The following MADD variants were observed in gnomAD, a reference collection of about 807,000 sequenced individuals.
MADD encodes MAP kinase-activating death domain protein.
Under a neutral mutation model 176.7 loss-of-function variants are expected in MADD, and 109 were observed. The ratio of observed to expected loss-of-function variants is 0.62; its 90% CI spans 0.53 to 0.72. The LOEUF is 0.72. Among genes scored for constraint, MADD ranks in the 30% least tolerant of loss-of-function variants. The pLI is 0.00. For missense variants in MADD, 1,914 were observed against 2,045.5 expected (o/e 0.94, Z 1.24); for synonymous variants, 771 against 771.3 (o/e 1.00, Z 0.01).
At chr11:47,276,750 G>T (rs1401640198) in exon 5 of MADD, 1 of 1,614,148 alleles carries the variant, frequency 6.2e-7, no homozygotes, top group Non-Finnish European at 8.5e-7. Flanking sequence ...ACAGTCCCGA[G>T]ACTACAATGC....
chr11:47,309,666 G>C, intron 25 of MADD, 54 bp downstream of exon 28: 1 of 1,384,150 alleles, frequency 7.2e-7, no homozygotes, highest in Middle Eastern at 1.8e-4. Context: ...GGCAAGGCTT[G>C]TTCCTGTCGC....
chr11:47,276,377 A>G (rs1338534999), intron 4 of MADD, among the ~76,000 whole-genome samples, 175 bp downstream of exon 4: 1 of 152,236 alleles, frequency 6.6e-6, no homozygotes, highest in Non-Finnish European at 1.5e-5. Flanking sequence ...GAATTAAGAT[A>G]CTGGTATCAT....
At chr11:47,320,983 C>T (rs1272332597) in intron 27 of MADD, among the ~76,000 whole-genome samples, 1 of 152,092 alleles carries the variant, frequency 6.6e-6, no homozygotes, top group Non-Finnish European at 1.5e-5. Context: ...TTTTTGCACC[C>T]TCACATGAGA....
chr11:47,286,738 T>C (rs980048666), intron 15 of MADD, among the ~76,000 whole-genome samples: 36 of 152,320 alleles, frequency 2.4e-4, no homozygotes, highest in Non-Finnish European at 2.1e-4. Flanking sequence ...GGCCCTGTTA[T>C]GTCATTTAGG....
chr11:47,284,539 A>G (rs573715367), exon 12 of MADD: 1 of 1,614,082 alleles, frequency 6.2e-7, no homozygotes, highest in Non-Finnish European at 8.5e-7. Context: ...CAGCAGCCCC[A>G]GCACTGTCAT....
chr11:47,293,071 G>A (rs1474407518), intron 19 of MADD, among the ~76,000 whole-genome samples: 1 of 152,116 alleles, frequency 6.6e-6, no homozygotes, highest in Non-Finnish European at 1.5e-5. Flanking sequence ...TGGGGGACAA[G>A]GGGGGTGGTT....
chr11:47,276,268 C>G, intron 4 of MADD, 66 bp downstream of exon 4: 1 of 1,469,756 alleles, frequency 6.8e-7, no homozygotes, highest in Non-Finnish European at 9.2e-7. Flanking sequence ...GGCCAGACCA[C>G]GAGCTCTTAG....
Position 47,284,580 on chromosome 11 carries a change from G to C in MADD, c.2157+15G>C, listed in dbSNP as rs1280833812. 1 of 1,611,496 alleles carries C rather than the reference G, an allele frequency of 6.2e-7. No individual in the cohort carries two copies. Among genetic ancestry groups the C allele is most frequent in the Non-Finnish European group, 8.5e-7 (1 of 1,179,042 alleles). Reference sequence around the variant, plus strand: ...GAGCCAACTCTGTAAGTGAGGAGCGGTGGATGAGTGAGAACCATGGCCTGG... The same window carrying C: ...GAGCCAACTCTGTAAGTGAGGAGCGCTGGATGAGTGAGAACCATGGCCTGG... On this transcript the variant is annotated intron_variant, in intron 12 of 32. Transcript: ENST00000402192.
chr11:47,287,017 C>T (rs1335128926), intron 15 of MADD, among the ~76,000 whole-genome samples: 1 of 152,174 alleles, frequency 6.6e-6, no homozygotes, highest in African/African-American at 2.4e-5. Flanking sequence ...TGGTTAGTTT[C>T]TAGGGGCAGT....
chr11:47,274,656 A>G (rs373871579), exon 3 of MADD: 1 of 1,614,128 alleles, frequency 6.2e-7, no homozygotes, highest in Non-Finnish European at 8.5e-7. Context: ...CCCCAGATGT[A>G]GTGTTCTTCT....
intron 8 of MADD, 91 bp from the exon 9 acceptor site, chr11:47,282,290 A>T: frequency 2.1e-6 from 2 of 968,888 alleles, no homozygotes; most frequent in Non-Finnish European, 3.3e-6. Flanking sequence ...GAAGCCTGTT[A>T]AGTGATGGCT....
rs1050697776 is a variant in MADD, at chr11:47,285,437, T to C, written c.2412-14T>C. ...CCCCTGCCTGGGGATCATAGGTGCC[T>C]CTGTGCATTCAAGGGCTCAAAAGCT... On this transcript the variant is annotated splice_polypyrimidine_tract_variant and intron_variant, in intron 13 of 32. Transcript: ENST00000402192. 1.1e-5 allele frequency: 17 copies of C among 1,613,934 alleles called. No individual in the cohort carries two copies. Among genetic ancestry groups the C allele is most frequent in the Non-Finnish European group, 1.4e-5 (17 of 1,180,010 alleles).
Position 47,325,564 on chromosome 11 carries a change from G to A in MADD, c.4542+987G>A, listed in dbSNP as rs2095352201. On this transcript the variant is annotated intron_variant, in intron 30 of 32. Coordinates refer to ENST00000402192, the Ensembl canonical transcript of MADD. This position sits in a 1 kb window ranked among gnomAD's most constrained non-coding sequence, Gnocchi z 4.5. ...GTAGCTGGGCAGCTTTGGTTTAACA[G>A]GAAATGGCTGCGCAGGCTGCCAGCA... is the stretch of plus-strand genomic sequence containing the variant. 6.6e-6 allele frequency among the ~76,000 whole-genome samples: 1 copy of A among 152,252 alleles called. No homozygotes were observed. Among genetic ancestry groups the A allele is most frequent in the Non-Finnish European group, 1.5e-5 (1 of 68,048 alleles).
At chr11:47,315,280 G>T in exon 27 of MADD, 1 of 1,613,946 alleles carries the variant, frequency 6.2e-7, no homozygotes, top group African/African-American at 1.3e-5. Flanking sequence ...GCAGACATTT[G>T]TGGTACATGC....
chr11:47,305,242 G>A (rs990246645), intron 22 of MADD, among the ~76,000 whole-genome samples: 1 of 152,092 alleles, frequency 6.6e-6, no homozygotes, highest in African/African-American at 2.4e-5. Flanking sequence ...GTACAGATGC[G>A]TGGAGTAGCT....
intron 15 of MADD, among the ~76,000 whole-genome samples, chr11:47,288,133 A>G (rs2062168298): frequency 6.6e-6 from 1 of 152,132 alleles, no homozygotes; most frequent in Non-Finnish European, 1.5e-5. Context: ...GTGGTAAAAA[A>G]TGTCAGGTTA....
chr11:47,276,303 C>A, intron 4 of MADD, 101 bp downstream of exon 4: 1 of 1,222,736 alleles, frequency 8.2e-7, no homozygotes, highest in Non-Finnish European at 1.1e-6. Context: ...ATATTTTTCA[C>A]CTTTTTGTCT....
chr11:47,283,331 G>A (rs2058365557), intron 10 of MADD, among the ~76,000 whole-genome samples: 1 of 151,932 alleles, frequency 6.6e-6, no homozygotes, highest in Non-Finnish European at 1.5e-5. Context: ...CTGACCTTGT[G>A]ATCTGCCCGC....
chr11:47,292,808 T>G (rs2066543497), intron 19 of MADD, among the ~76,000 whole-genome samples: 1 of 152,080 alleles, frequency 6.6e-6, no homozygotes, highest in East Asian at 1.9e-4. Flanking sequence ...TAACCAGGTG[T>G]CTACTGAATA....
Sources: allele counts gnomAD v4.1 joint callset (sites outside exome capture counted in the v4.1 genomes callset), GRCh38; gene constraint gnomAD v4.1.1; non-coding constraint Gnocchi (gnomAD v3.1); transcripts MANE v1.5; gene names NCBI Gene and HGNC (gene_info 2026-07-23, HGNC 2026-07-21).